The following CDC42BPB variants were observed in gnomAD, a reference collection of about 807,000 sequenced individuals.
The protein encoded by CDC42BPB is CDC42 binding protein kinase beta, also known as serine/threonine-protein kinase MRCK beta.
In CDC42BPB, 37 loss-of-function variants were observed where a neutral mutation model predicts 214.9. That is an observed-to-expected ratio of 0.17 (90% confidence interval 0.13 to 0.23). The LOEUF (loss-of-function observed/expected upper bound fraction) is 0.23. CDC42BPB is among the 10% of genes least tolerant of loss of function. The pLI, the probability that CDC42BPB is intolerant of heterozygous loss-of-function variation, is 1.00. For synonymous variants in CDC42BPB, 931 were observed against 884.0 expected, an observed-to-expected ratio of 1.05 and a Z score of -0.94; for missense variants, 1,694 against 2,227.0, an observed-to-expected ratio of 0.76 and a Z score of 4.82.
intron 12 of CDC42BPB, among the ~76,000 whole-genome samples, chr14:102,972,958 C>T (rs919426867): frequency 6.6e-6 from 1 of 152,196 alleles, no homozygotes; most frequent in Non-Finnish European, 1.5e-5. Flanking sequence ...AATCGCTGGA[C>T]AGCCTGCCCT....
chr14:103,041,181 A>G (rs776818492), intron 1 of CDC42BPB, among the ~76,000 whole-genome samples: 1 of 152,256 alleles, frequency 6.6e-6, no homozygotes, highest in Non-Finnish European at 1.5e-5. Context: ...GGGGGAAAGA[A>G]TATAGTCTGT....
rs1329595089 is a variant in CDC42BPB at position 102,946,511 on chromosome 14, G to A, written c.3705C>T (p.Ser1235=). The stretch of plus-strand genomic sequence containing the variant: ...GGATGGCCTTGATGAGAGGCAGCGA[G>A]CTGTCGTAGGCTTCCAAGGGAACAT... ...VVHVPLEAYD[S]SLPLIKAILT... Residue 1235 remains serine (S), a synonymous_variant, in exon 28 of 37, where the codon AGC becomes AGT. Coordinates refer to ENST00000361246, the MANE Select transcript of CDC42BPB (RefSeq NM_006035.4). 17 of 1,612,698 alleles carry A rather than the reference G, an allele frequency of 1.1e-5. No homozygotes were observed. The highest frequency in any genetic ancestry group is 2.2e-5 in the East Asian group (1 of 44,902).
intron 12 of CDC42BPB, among the ~76,000 whole-genome samples, chr14:102,972,889 A>G (rs1893550221): frequency 6.6e-6 from 1 of 152,168 alleles, no homozygotes. Flanking sequence ...AAAATCAAAA[A>G]GAACACATAT....
chr14:102,936,612 G>A (rs904263174), intron 36 of CDC42BPB, among the ~76,000 whole-genome samples: 4 of 152,192 alleles, frequency 2.6e-5, no homozygotes, highest in African/African-American at 9.6e-5. Flanking sequence ...GGGACGGGGA[G>A]AGAGTGCTTA....
chr14:102,978,085 A>T, intron 9 of CDC42BPB, 41 bp downstream of exon 9: 1 of 1,471,258 alleles, frequency 6.8e-7, no homozygotes, highest in Non-Finnish European at 9.5e-7. Context: ...CATCTACCAC[A>T]GGGGAAGTGT....
At position 102,944,685 on chromosome 14, in the gene CDC42BPB, G is replaced by A; in HGVS notation, c.3812-198C>T. The A allele has an allele frequency of 1.0e-6, 1 of 985,222 alleles. No homozygotes were observed. The highest frequency in any genetic ancestry group is 1.2e-6 in the Non-Finnish European group (1 of 829,760). 61.0% of individuals were successfully genotyped at this position (985,222 alleles called of 1,614,324 possible). Reference sequence around the variant, plus strand: ...GGCTTGAACGCCCCCCGGAGAAGCTGCCCCACATCCACAGCGCGCTCCTGG... The same window carrying A: ...GGCTTGAACGCCCCCCGGAGAAGCTACCCCACATCCACAGCGCGCTCCTGG... On this transcript the variant is annotated intron_variant, in intron 29 of 36. Coordinates refer to ENST00000361246, the MANE Select transcript of CDC42BPB (RefSeq NM_006035.4). This position sits in a 1 kb window ranked among gnomAD's most constrained non-coding sequence, Gnocchi z 6.6.
chr14:102,972,326 C>T (rs575293809), intron 12 of CDC42BPB, 165 bp from the exon 13 acceptor site: 2 of 985,260 alleles, frequency 2.0e-6, no homozygotes, highest in African/African-American at 1.7e-5. Context: ...TGCTCTGTCT[C>T]GTGCCAGCCA....
intron 1 of CDC42BPB, among the ~76,000 whole-genome samples, chr14:103,035,788 G>A (rs929903450): frequency 4.0e-5 from 6 of 151,870 alleles, no homozygotes; most frequent in South Asian, 2.1e-4. Context: ...TGCAGTGAGC[G>A]GAGATCACGC....
chr14:102,985,236 C>T (rs1240765772), intron 6 of CDC42BPB, among the ~76,000 whole-genome samples: 4 of 143,592 alleles, frequency 2.8e-5, no homozygotes, highest in East Asian at 2.1e-4. Context: ...TAAACCATGA[C>T]GGGGTGGTGT....
At chr14:102,983,306 G>C (rs1239348220) in intron 7 of CDC42BPB, among the ~76,000 whole-genome samples, 3 of 152,072 alleles carry the variant, frequency 2.0e-5, no homozygotes, top group Admixed American at 6.6e-5. Context: ...CCTGAGAGTG[G>C]GGGTGGGGGT....
chr14:102,972,987 C>A (rs35740058), intron 12 of CDC42BPB, among the ~76,000 whole-genome samples: 1 of 152,214 alleles, frequency 6.6e-6, no homozygotes, highest in Non-Finnish European at 1.5e-5. Context: ...GACTGATGTG[C>A]GGATACTGGC....
At chr14:103,027,201 T>C (rs1024840097) in intron 1 of CDC42BPB, among the ~76,000 whole-genome samples, 4 of 152,182 alleles carry the variant, frequency 2.6e-5, no homozygotes, top group African/African-American at 9.7e-5. Flanking sequence ...GCGTTGGCCA[T>C]GAGGTGGAGA....
chr14:102,950,437 G>A (rs769227196), intron 25 of CDC42BPB, 29 bp downstream of exon 25: 1 of 1,611,312 alleles, frequency 6.2e-7, no homozygotes, highest in Non-Finnish European at 8.5e-7. Flanking sequence ...CAGGCACCGA[G>A]GGCTGAGGGC....
At chr14:102,952,882 G>A in intron 23 of CDC42BPB, 1 of 257,096 alleles carries the variant, frequency 3.9e-6, no homozygotes, top group Non-Finnish European at 6.1e-6. Flanking sequence ...GGCCGAGGTG[G>A]CATGGCCAGT....
chr14:103,002,955 C>G (rs1292970499), intron 4 of CDC42BPB, among the ~76,000 whole-genome samples: 1 of 152,066 alleles, frequency 6.6e-6, no homozygotes, highest in African/African-American at 2.4e-5. Flanking sequence ...TTCAAGGGCT[C>G]CTTTAGGGTG....
intron 28 of CDC42BPB, 77 bp from the exon 29 acceptor site, chr14:102,945,801 CTCAT>C: frequency 8.0e-7 from 1 of 1,253,666 alleles, no homozygotes; most frequent in Admixed American, 1.7e-5. Flanking sequence ...CGTGGGTGGG[CTCAT>C]TCACAGATAC....
At chr14:103,016,734 T>C (rs1327796581) in intron 1 of CDC42BPB, among the ~76,000 whole-genome samples, 2 of 152,152 alleles carry the variant, frequency 1.3e-5, no homozygotes, top group Admixed American at 6.5e-5. Context: ...TGGTATGAAC[T>C]TGCAGCTTCA....
Position 103,023,635 on chromosome 14 carries a change from A to G in CDC42BPB, c.176-11447T>C, listed in dbSNP as rs1232082156. ...ATTGTTTTTTCTTTGGTAGAAATTA[A>G]TAATTTTACTCACTGGTTTTTCTTA... On this transcript the variant is annotated intron_variant, in intron 1 of 36. Transcript: ENST00000361246. Among the ~76,000 whole-genome samples, 3 of 152,172 alleles carry G rather than the reference A, an allele frequency of 2.0e-5. No individual in the cohort carries two copies. The East Asian group carries it at 5.8e-4, about 29-fold the overall frequency.
intron 11 of CDC42BPB, 38 bp from the exon 12 acceptor site, chr14:102,974,187 G>T (rs1458289195): frequency 3.1e-6 from 5 of 1,606,988 alleles, no homozygotes; most frequent in Non-Finnish European, 3.4e-6. Context: ...TCCTTTATGT[G>T]CAATGACTAT....
Sources: gnomAD v4.1 joint callset for allele counts (sites outside exome capture counted in the v4.1 genomes callset) on GRCh38, gnomAD v4.1.1 for gene constraint, Gnocchi (gnomAD v3.1) non-coding constraint, MANE v1.5 for transcripts, NCBI Gene and HGNC (gene_info 2026-07-23, HGNC 2026-07-21) for gene names.